TMEM14B: variants seen among roughly 807,000 people sequenced by gnomAD.
TMEM14B encodes the protein transmembrane protein 14B.
A neutral mutation model predicts 14.8 loss-of-function variants in TMEM14B; 9 were observed. The observed-to-expected ratio is 0.61, with a 90% confidence interval of 0.37 to 1.06. TMEM14B has a LOEUF of 1.06. TMEM14B is among the 50% of genes least tolerant of loss of function. The pLI is 0.01. For missense variants in TMEM14B, 128 were observed against 143.6 expected, an observed-to-expected ratio of 0.89 and a Z score of 0.56; for synonymous variants, 40 against 51.3, an observed-to-expected ratio of 0.78 and a Z score of 0.94.
chr6:10,749,954 G>A, intron 3 of TMEM14B: 2 of 537,642 alleles, frequency 3.7e-6, no homozygotes, highest in Non-Finnish European at 6.7e-6. Flanking sequence ...GTTGTAGTTT[G>A]TTATTATCAT....
At position 10,756,622 on chromosome 6, in the gene TMEM14B, A is replaced by T; in HGVS notation, c.*104A>T. On this transcript the variant is annotated 3_prime_UTR_variant, in exon 6 of 6. Transcript: ENST00000379542. ...TAAGTGCAGCATTTTTGCATCTGAC[A>T]TTTTACCTAAAAAAAAAAAGACACC... 1.4e-6 allele frequency: 2 copies of T among 1,461,860 alleles called. No individual in the cohort carries two copies. Among genetic ancestry groups the T allele is most frequent in the Non-Finnish European group, 1.8e-6 (2 of 1,108,752 alleles). 90.6% of individuals were successfully genotyped at this position (1,461,860 alleles called of 1,614,324 possible). A position where few individuals can be genotyped will look rare whatever the true frequency, so the allele number is the denominator to read the frequency against.
At chr6:10,749,306 C>CTT in intron 2 of TMEM14B, 38 bp downstream of exon 2, 1 of 1,612,642 alleles carries the variant, frequency 6.2e-7, no homozygotes. Context: ...TAGCCAGGAG[C>CTT]TTCTGGAAAC....
chr6:10,752,545 C>T (rs1771632743), intron 4 of TMEM14B, among the ~76,000 whole-genome samples: 1 of 151,226 alleles, frequency 6.6e-6, no homozygotes, highest in Admixed American at 6.6e-5. Flanking sequence ...CAACCTCCGC[C>T]TCTTGGATTC....
chr6:10,749,138 A>C, intron 1 of TMEM14B, 64 bp from the exon 2 acceptor site: 1 of 1,136,790 alleles, frequency 8.8e-7, no homozygotes, highest in Non-Finnish European at 1.3e-6. Flanking sequence ...GGTTGGACAC[A>C]CTTCTTTCTG....
chr6:10,748,253 T>G (rs1771405988), intron 1 of TMEM14B, among the ~76,000 whole-genome samples: 1 of 151,994 alleles, frequency 6.6e-6, no homozygotes, highest in South Asian at 2.1e-4. Flanking sequence ...TCTTTCTTTT[T>G]TTGGGGGGTG....
downstream of TMEM14B, chr6:10,759,059 C>G (rs1338184044): frequency 2.2e-5 from 4 of 182,630 alleles, no homozygotes; most frequent in African/African-American, 9.6e-5. Flanking sequence ...GCTGGGATTT[C>G]AGGTGTGCAC....
intron 5 of TMEM14B, 116 bp from the exon 6 acceptor site, chr6:10,756,351 C>A: frequency 8.0e-7 from 1 of 1,250,548 alleles, no homozygotes; most frequent in Non-Finnish European, 1.1e-6. Context: ...CCACTCTTGC[C>A]TTAGTACCTC....
downstream of TMEM14B, among the ~76,000 whole-genome samples, chr6:10,757,524 C>A (rs1360803645): frequency 1.3e-5 from 2 of 151,972 alleles, no homozygotes; most frequent in Non-Finnish European, 2.9e-5. Flanking sequence ...TTAATTAGTT[C>A]ATATATAATT....
chr6:10,750,182 T>C, intron 3 of TMEM14B: 1 of 167,210 alleles, frequency 6.0e-6, no homozygotes, highest in Non-Finnish European at 1.3e-5. Context: ...TATTTTTTTT[T>C]TAACTGCCTG....
downstream of TMEM14B, chr6:10,759,591 CTT>C (rs1771912964): frequency 6.6e-6 from 1 of 152,164 alleles, no homozygotes; most frequent in East Asian, 1.9e-4. Context: ...TTGTAAAAAT[CTT>C]TGACACATTA....
chr6:10,753,565 A>G (rs1031537652), intron 4 of TMEM14B, among the ~76,000 whole-genome samples: 4 of 151,544 alleles, frequency 2.6e-5, no homozygotes, highest in Non-Finnish European at 4.4e-5. Flanking sequence ...ATTGAAGCCT[A>G]TGCCTTTAAT....
chr6:10,749,825 A>G, intron 3 of TMEM14B, 127 bp downstream of exon 3: 1 of 1,102,742 alleles, frequency 9.1e-7, no homozygotes, highest in Non-Finnish European at 1.4e-6. Flanking sequence ...GCTGGAGTGC[A>G]GGCTTCCTTG....
At chr6:10,756,152 G>A (rs551023122) in intron 5 of TMEM14B, among the ~76,000 whole-genome samples, 23 of 152,286 alleles carry the variant, frequency 1.5e-4, no homozygotes, top group Admixed American at 1.3e-3. Context: ...AGAGGCTGGA[G>A]TCTACCATAA....
At chr6:10,757,959 C>G (rs1275533221), downstream of TMEM14B, among the ~76,000 whole-genome samples, 1 of 151,628 alleles carries the variant, frequency 6.6e-6, no homozygotes, top group Non-Finnish European at 1.5e-5. Flanking sequence ...CCACTGCACT[C>G]CAACCTGGGC....
At chr6:10,749,904 T>TA in intron 3 of TMEM14B, 3 of 639,646 alleles carry the variant, frequency 4.7e-6, no homozygotes, top group Non-Finnish European at 5.5e-6. Flanking sequence ...CTTGTGGAAT[T>TA]ACTTATTTTT....
chr6:10,756,575 A>G lies in TMEM14B; in HGVS notation c.*57A>G. 1.3e-6 allele frequency: 2 copies of G among 1,587,978 alleles called. No individual in the cohort carries two copies. The highest frequency in any genetic ancestry group is 1.2e-5 in the South Asian group (1 of 86,350). On this transcript the variant is annotated 3_prime_UTR_variant, in exon 6 of 6. Coordinates refer to ENST00000379542, the MANE Select transcript of TMEM14B (RefSeq NM_030969.5). ...GGATTAAAAATCTGCATCTTCCACT[A>G]TTTTCAATGTATTAAGAGAAATAAG... is the stretch of plus-strand genomic sequence containing the variant.
In TMEM14B at chr6:10,751,146, C is replaced by T. The variant is rs1046427; in HGVS notation, c.114C>T (p.Ser38=). ...VGYVKTGSVP[S]LAAGLLFGSL... ...GCTTCCTTCTAGGCAGCGTGCCGTC[C>T]CTGGCTGCAGGGCTGCTCTTCGGCA... Residue 38 remains serine, a synonymous_variant, in exon 4 of 6, where the codon TCC becomes TCT. Coordinates refer to ENST00000379542, the MANE Select transcript of TMEM14B (RefSeq NM_030969.5). The T allele has an allele frequency of 6.2e-3, 9,970 of 1,613,782 alleles. 234 individuals carry two copies. In the African/African-American group the frequency reaches 0.062, roughly 10 times the overall value.
At chr6:10,750,150 A>G (rs115343525) in intron 3 of TMEM14B, 2,002 of 171,774 alleles carry the variant, frequency 0.012, 62 homozygotes, top group African/African-American at 0.046. Flanking sequence ...CCTGCACCAG[A>G]CTTCTTATTC....
chr6:10,749,861 CT>C, intron 3 of TMEM14B, 163 bp downstream of exon 3: 2 of 803,594 alleles, frequency 2.5e-6, no homozygotes, highest in Admixed American at 2.2e-5. Flanking sequence ...CTGCCCTTGC[CT>C]TTTGCTTATC....
Sources: allele counts gnomAD v4.1 joint callset (sites outside exome capture counted in the v4.1 genomes callset), GRCh38; gene constraint gnomAD v4.1.1; transcripts MANE v1.5; gene names NCBI Gene and HGNC (gene_info 2026-07-23, HGNC 2026-07-21).